RASSF5: variants seen among roughly 807,000 people sequenced by gnomAD.
The protein encoded by RASSF5 is ras association domain-containing protein 5.
A neutral mutation model predicts 40.5 loss-of-function variants in RASSF5; 25 were observed. The observed-to-expected ratio is 0.62, with a 90% confidence interval of 0.45 to 0.86. The LOEUF (loss-of-function observed/expected upper bound fraction) is 0.86. Among genes scored for constraint, RASSF5 ranks in the 40% least tolerant of loss-of-function variants. The pLI, the probability that RASSF5 is intolerant of heterozygous loss-of-function variation, is 0.00. For missense variants in RASSF5, 521 were observed against 572.8 expected (o/e 0.91, Z 0.92); for synonymous variants, 246 against 252.4 (o/e 0.97, Z 0.24).
Position 206,519,135 on chromosome 1 carries a change from C to T in RASSF5, c.457+11076C>T, listed in dbSNP as rs139516155. Among the ~76,000 whole-genome samples the T allele has an allele frequency of 2.2e-4, 33 of 152,180 alleles. No individual in the cohort carries two copies. In the East Asian group the frequency reaches 5.6e-3, roughly 26 times the overall value. On this transcript the variant is annotated intron_variant, in intron 1 of 5. Coordinates refer to ENST00000579436, the MANE Select transcript of RASSF5 (RefSeq NM_182663.4). ...CACTAATTAGGGCAAGAACAGTCCTCGCCTGAAGAAGGATAACTGGACGGC... is the reference window on the plus strand; with the variant it reads ...CACTAATTAGGGCAAGAACAGTCCTTGCCTGAAGAAGGATAACTGGACGGC...
intron 2 of RASSF5, among the ~76,000 whole-genome samples, chr1:206,550,222 A>T (rs1418243123): frequency 1.3e-5 from 2 of 152,068 alleles, no homozygotes; most frequent in Non-Finnish European, 2.9e-5. Flanking sequence ...CCACTGTTTC[A>T]TTAGTTGTAT....
At position 206,513,757 on chromosome 1, in the gene RASSF5, G is replaced by T. The variant is rs181907110; in HGVS notation, c.457+5698G>T. Among the ~76,000 whole-genome samples, 1 of 152,216 alleles carries T rather than the reference G, an allele frequency of 6.6e-6. No homozygotes were observed. The highest frequency in any genetic ancestry group is 1.5e-5 in the Non-Finnish European group (1 of 68,034). ...ATGTTCCGGGCTGGATCTCAGGGTC[G>T]GAAGGGGAACAGAGCCAGTTTTGGG... On this transcript the variant is annotated intron_variant, in intron 1 of 5. Coordinates refer to ENST00000579436, the MANE Select transcript of RASSF5 (RefSeq NM_182663.4). This position sits in a 1 kb window ranked among gnomAD's most constrained non-coding sequence, Gnocchi z 5.0.
chr1:206,517,140 G>A (rs1337153940), intron 1 of RASSF5, among the ~76,000 whole-genome samples: 1 of 152,202 alleles, frequency 6.6e-6, no homozygotes, highest in Non-Finnish European at 1.5e-5. Flanking sequence ...GATTCTGCAA[G>A]TGTGTGAGTC....
At chr1:206,570,638 T>G (rs1157322603) in intron 2 of RASSF5, among the ~76,000 whole-genome samples, 2 of 146,542 alleles carry the variant, frequency 1.4e-5, no homozygotes, top group Non-Finnish European at 3.0e-5. Flanking sequence ...TTCATATAAG[T>G]AGAATCACAC....
chr1:206,567,780 A>T (rs1668327089), intron 2 of RASSF5, among the ~76,000 whole-genome samples: 1 of 152,158 alleles, frequency 6.6e-6, no homozygotes, highest in Non-Finnish European at 1.5e-5. Flanking sequence ...GGAATGTGCG[A>T]TAGTAATGGC....
chr1:206,557,554 G>C, intron 2 of RASSF5: 1 of 1,613,254 alleles, frequency 6.2e-7, no homozygotes, highest in South Asian at 1.1e-5. Context: ...TGGCGGCCTC[G>C]GCCGGGAACT....
chr1:206,537,016 C>T (rs532987608), intron 1 of RASSF5, among the ~76,000 whole-genome samples: 1 of 152,024 alleles, frequency 6.6e-6, no homozygotes, highest in Admixed American at 6.5e-5. Flanking sequence ...GTCTTCACTA[C>T]CCCCCACCCC....
chr1:206,560,896 C>T lies in RASSF5; in HGVS notation c.580-22373C>T. On this transcript the variant is annotated intron_variant, in intron 2 of 5. Transcript: ENST00000579436. The surrounding 1 kb of genome is among the most constrained non-coding windows in gnomAD (Gnocchi z 5.1). ...TTTGTAGGACTGGTGACTGTGAAGCCAGGCCAGGCCCTCTGTCCATCCCTC... is the reference window on the plus strand; with the variant it reads ...TTTGTAGGACTGGTGACTGTGAAGCTAGGCCAGGCCCTCTGTCCATCCCTC... Among the ~76,000 whole-genome samples, 1 of 152,202 alleles carries T rather than the reference C, an allele frequency of 6.6e-6. No individual in the cohort carries two copies.
At chr1:206,566,946 G>A (rs1228462988) in intron 2 of RASSF5, among the ~76,000 whole-genome samples, 5 of 152,264 alleles carry the variant, frequency 3.3e-5, no homozygotes, top group Admixed American at 2.0e-4. Flanking sequence ...CTTTCCCAGG[G>A]GACATGAGCA....
At chr1:206,509,163 T>C (rs535592528) in intron 1 of RASSF5, among the ~76,000 whole-genome samples, 27 of 152,356 alleles carry the variant, frequency 1.8e-4, no homozygotes, top group Non-Finnish European at 4.4e-5. Context: ...CCTTCCCCTA[T>C]GGCAGCAGCC....
chr1:206,561,063 T>C (rs374401908), intron 2 of RASSF5, among the ~76,000 whole-genome samples: 3 of 152,214 alleles, frequency 2.0e-5, no homozygotes, highest in African/African-American at 7.2e-5. Context: ...TTCTGAACTC[T>C]TGGCATGTTA....
intron 2 of RASSF5, chr1:206,544,764 C>T (rs1667632280): frequency 6.6e-6 from 1 of 152,298 alleles, no homozygotes; most frequent in Admixed American, 6.5e-5. Context: ...AATCACCCCT[C>T]AGCCCCTGCA....
At chr1:206,561,296 T>C (rs2103542302) in intron 2 of RASSF5, among the ~76,000 whole-genome samples, 1 of 152,370 alleles carries the variant, frequency 6.6e-6, no homozygotes, top group East Asian at 1.9e-4. Flanking sequence ...TCTCTTCTTC[T>C]TGGTCTTTTC....
intron 1 of RASSF5, among the ~76,000 whole-genome samples, chr1:206,509,264 G>A (rs981003402): frequency 3.3e-5 from 5 of 152,290 alleles, no homozygotes; most frequent in Admixed American, 2.0e-4. Flanking sequence ...AGTCTGCAGC[G>A]GAGGCTGTTC....
Position 206,535,824 on chromosome 1 carries a change from G to A in RASSF5, c.458-2348G>A, listed in dbSNP as rs1247138047. 6.6e-6 allele frequency among the ~76,000 whole-genome samples: 1 copy of A among 151,930 alleles called. No individual in the cohort carries two copies. Among genetic ancestry groups the A allele is most frequent in the African/African-American group, 2.4e-5 (1 of 41,328 alleles). ...ACTGCCTGTGCCAACAGGACAAGGA[G>A]CTAAAAGAGGAGGAGAGAGAAATTC... On this transcript the variant is annotated intron_variant, in intron 1 of 5. Transcript: ENST00000579436. This position sits in a 1 kb window ranked among gnomAD's most constrained non-coding sequence, Gnocchi z 5.0.
At chr1:206,583,814 C>A in intron 3 of RASSF5, 1 of 191,480 alleles carries the variant, frequency 5.2e-6, no homozygotes, top group Non-Finnish European at 1.1e-5. Flanking sequence ...TTGGGAAAGG[C>A]TGTCTTCAAT....
Position 206,585,198 on chromosome 1 carries a change from C to T in RASSF5, c.1007C>T (p.Ser336Phe), listed in dbSNP as rs148610151. ...KDGQVLFQKL[S>F]IADRPLYLRL... is the part of the protein sequence containing the mutation. ...TTTGCAGTGCTCTTCCAGAAACTCT[C>T]CATTGCTGACCGCCCCCTCTACCTG... The change falls in exon 5 of 6, where the codon TCC becomes TTC. Residue 336 changes from serine (S) to phenylalanine (F), a missense_variant. Coordinates refer to ENST00000579436, the MANE Select transcript of RASSF5 (RefSeq NM_182663.4). 3 of 1,613,940 alleles carry T rather than the reference C, an allele frequency of 1.9e-6. No homozygotes were observed. In the African/African-American group the frequency reaches 4.0e-5, roughly 22 times the overall value.
Position 206,587,164 on chromosome 1 carries a change from C to A in RASSF5, c.*186C>A. 1.5e-6 allele frequency: 1 copy of A among 654,188 alleles called. No homozygotes were observed. The highest frequency in any genetic ancestry group is 1.8e-5 in the African/African-American group (1 of 55,686). 40.5% of individuals were successfully genotyped at this position (654,188 alleles called of 1,614,324 possible). A position where few individuals can be genotyped will look rare whatever the true frequency, so the allele number is the denominator to read the frequency against. ...GCACGAGGGTTCAGCTGTGCCCGCC[C>A]CCAGGCTGTGCCCCACCACAGATTC... On this transcript the variant is annotated 3_prime_UTR_variant, in exon 6 of 6. Transcript: ENST00000579436.
chr1:206,571,001 A>G (rs1668433376), intron 2 of RASSF5, among the ~76,000 whole-genome samples: 1 of 152,094 alleles, frequency 6.6e-6, no homozygotes, highest in South Asian at 2.1e-4. Flanking sequence ...ATTTTTGAGG[A>G]TCACCATACC....
Sources: gnomAD v4.1 joint callset for allele counts (sites outside exome capture counted in the v4.1 genomes callset) on GRCh38, gnomAD v4.1.1 for gene constraint, Gnocchi (gnomAD v3.1) non-coding constraint, MANE v1.5 for transcripts, NCBI Gene and HGNC (gene_info 2026-07-23, HGNC 2026-07-21) for gene names.